The following EBF2 variants were observed in gnomAD, a reference collection of about 807,000 sequenced individuals.
EBF2 encodes the protein transcription factor COE2.
EBF2 carries 21 observed loss-of-function variants against 72.8 expected under a neutral mutation model. The ratio of observed to expected loss-of-function variants is 0.29; its 90% CI spans 0.20 to 0.42. The LOEUF is 0.42. Among genes scored for constraint, EBF2 ranks in the 10% least tolerant of loss-of-function variants. The pLI, the probability that EBF2 is intolerant of heterozygous loss-of-function variation, is 1.00. For missense variants in EBF2, 637 were observed against 731.2 expected, an observed-to-expected ratio of 0.87 and a Z score of 1.49; for synonymous variants, 299 against 274.2, an observed-to-expected ratio of 1.09 and a Z score of -0.89.
chr8:25,893,271 A>ATTTTT (rs201829098), intron 7 of EBF2, among the ~76,000 whole-genome samples: 8 of 111,444 alleles, frequency 7.2e-5, no homozygotes, highest in Non-Finnish European at 1.2e-4. Flanking sequence ...TAATTCTTCC[A>ATTTTT]TTTTTTTTTT....
At chr8:25,958,690 G>C (rs1803987563) in intron 6 of EBF2, among the ~76,000 whole-genome samples, 1 of 152,134 alleles carries the variant, frequency 6.6e-6, no homozygotes, top group Non-Finnish European at 1.5e-5. Flanking sequence ...TGGAATCTGA[G>C]CCTCCACTCC....
intron 10 of EBF2, among the ~76,000 whole-genome samples, chr8:25,873,587 C>T (rs1002627205): frequency 6.6e-6 from 1 of 152,078 alleles, no homozygotes; most frequent in Non-Finnish European, 1.5e-5. Context: ...AACAAGAATA[C>T]GAGGAGAGAA....
intron 6 of EBF2, among the ~76,000 whole-genome samples, chr8:26,007,767 T>TC (rs964711624): frequency 7.9e-5 from 12 of 151,876 alleles, no homozygotes; most frequent in African/African-American, 2.7e-4. Flanking sequence ...ACCATCACTT[T>TC]CCCGTACACT....
intron 6 of EBF2, among the ~76,000 whole-genome samples, chr8:25,943,266 A>G (rs947823252): frequency 1.4e-5 from 2 of 146,640 alleles, no homozygotes; most frequent in Non-Finnish European, 1.5e-5. Flanking sequence ...CAAGAGTTGG[A>G]GACCAGCCTG....
At chr8:25,999,043 G>A (rs1029165386) in intron 6 of EBF2, among the ~76,000 whole-genome samples, 1 of 152,180 alleles carries the variant, frequency 6.6e-6, no homozygotes, top group Non-Finnish European at 1.5e-5. Context: ...AGAAGAAAGA[G>A]AGAAACTCAG....
At chr8:25,846,745 G>T (rs552054514) in intron 15 of EBF2, among the ~76,000 whole-genome samples, 2 of 152,156 alleles carry the variant, frequency 1.3e-5, no homozygotes, top group East Asian at 3.9e-4. Flanking sequence ...GATACCAAAG[G>T]GGCTCATGTA....
chr8:25,999,568 A>T, intron 6 of EBF2, among the ~76,000 whole-genome samples: 1 of 148,510 alleles, frequency 6.7e-6, no homozygotes, highest in East Asian at 2.0e-4. Context: ...TGGGTTTTTA[A>T]TTTCCTTCTG....
intron 6 of EBF2, among the ~76,000 whole-genome samples, chr8:26,030,957 A>C (rs544205633): frequency 5.3e-5 from 8 of 152,244 alleles, no homozygotes; most frequent in Non-Finnish European, 1.2e-4. Flanking sequence ...TTACATAGGA[A>C]GAAAACATGA....
rs59820523 is a variant in EBF2 at position 25,986,001 on chromosome 8, CAAAAAA to C, written c.551+47078_551+47083del. 7.2e-3 allele frequency among the ~76,000 whole-genome samples: 205 copies of C among 28,564 alleles called. 7 individuals carry two copies. The highest frequency in any genetic ancestry group is 8.8e-3 in the Admixed American group (13 of 1,474). The allele number at this position is 28,564 out of a possible 152,430, so 18.7% of individuals were successfully genotyped here. ...CGGGTGACAGAGTGAAACTCTGTCT[CAAAAAA>C]AAAAAAAAAAAAAAAAAAGTACATG... On this transcript the variant is annotated intron_variant, in intron 6 of 15. Coordinates refer to ENST00000520164, the MANE Select transcript of EBF2 (RefSeq NM_022659.4).
At chr8:25,942,312 G>A (rs1199539522) in intron 6 of EBF2, among the ~76,000 whole-genome samples, 1 of 152,260 alleles carries the variant, frequency 6.6e-6, no homozygotes, top group African/African-American at 2.4e-5. Flanking sequence ...ATAATGCATA[G>A]TGATCAAGTC....
At chr8:26,021,205 G>T (rs1335201352) in intron 6 of EBF2, among the ~76,000 whole-genome samples, 1 of 152,190 alleles carries the variant, frequency 6.6e-6, no homozygotes, top group Admixed American at 6.5e-5. Flanking sequence ...GACAAAAAAG[G>T]AGGGAAGAGA....
chr8:25,855,502 T>G (rs1379203230), intron 14 of EBF2, among the ~76,000 whole-genome samples: 1 of 152,222 alleles, frequency 6.6e-6, no homozygotes, highest in Non-Finnish European at 1.5e-5. Context: ...CAAACTTGAC[T>G]AAGAAGCTTG....
intron 6 of EBF2, among the ~76,000 whole-genome samples, chr8:26,021,462 T>C (rs1223698517): frequency 6.6e-6 from 1 of 152,160 alleles, no homozygotes; most frequent in Non-Finnish European, 1.5e-5. Context: ...ACACAACATC[T>C]CTCTTCCCCC....
intron 6 of EBF2, 115 bp from the exon 7 acceptor site, chr8:25,908,670 T>C (rs1021863307): frequency 6.8e-6 from 5 of 738,940 alleles, no homozygotes; most frequent in African/African-American, 5.3e-5. Context: ...CTGGGGAATT[T>C]CAACCTGCCC....
intron 6 of EBF2, among the ~76,000 whole-genome samples, chr8:25,919,505 T>C (rs986823867): frequency 6.6e-6 from 1 of 152,228 alleles, no homozygotes; most frequent in Non-Finnish European, 1.5e-5. Context: ...GAAATGTGTT[T>C]AGCTTTCTAT....
chr8:25,931,496 A>G (rs377489199), intron 6 of EBF2, among the ~76,000 whole-genome samples: 5 of 152,216 alleles, frequency 3.3e-5, no homozygotes, highest in Admixed American at 6.5e-5. Context: ...GTTTATGGGC[A>G]TAGAGAGAAT....
intron 6 of EBF2, among the ~76,000 whole-genome samples, chr8:26,028,574 TTC>T (rs1805342020): frequency 6.6e-6 from 1 of 152,222 alleles, no homozygotes; most frequent in Non-Finnish European, 1.5e-5. Flanking sequence ...TAAAGTCCTC[TTC>T]TCACAGATCA....
intron 6 of EBF2, among the ~76,000 whole-genome samples, chr8:25,968,717 A>T (rs912229007): frequency 1.3e-5 from 2 of 152,158 alleles, no homozygotes; most frequent in African/African-American, 4.8e-5. Flanking sequence ...ATACACCACC[A>T]CACCTAATTT....
chr8:26,032,893 C>T (rs1805432711), intron 6 of EBF2, 192 bp downstream of exon 6: 2 of 585,926 alleles, frequency 3.4e-6, no homozygotes, highest in Non-Finnish European at 6.1e-6. Flanking sequence ...GATTTAGAGA[C>T]ACGTGTTCCA....
Sources: allele counts gnomAD v4.1 joint callset (sites outside exome capture counted in the v4.1 genomes callset), GRCh38; gene constraint gnomAD v4.1.1; transcripts MANE v1.5; gene names NCBI Gene and HGNC (gene_info 2026-07-23, HGNC 2026-07-21).